Variants in USP36 observed in about 807,000 individuals in gnomAD.
The protein encoded by USP36 is ubiquitin carboxyl-terminal hydrolase 36.
A neutral mutation model predicts 111.5 loss-of-function variants in USP36; 59 were observed. That is an observed-to-expected ratio of 0.53 (90% CI 0.43 to 0.66). The LOEUF is 0.66. USP36 is among the 30% of genes least tolerant of loss of function. USP36 has a pLI of 0.00. For missense variants in USP36, 1,488 were observed against 1,468.0 expected (o/e 1.01, Z -0.22); for synonymous variants, 628 against 581.0 (o/e 1.08, Z -1.16).
At chr17:78,839,286 T>C (rs914441919) in intron 1 of USP36, among the ~76,000 whole-genome samples, 3 of 152,170 alleles carry the variant, frequency 2.0e-5, no homozygotes, top group African/African-American at 4.8e-5. Context: ...GCCCCCCTTA[T>C]TCAGCCTCAG....
At chr17:78,792,273 A>T (rs1394022173), downstream of USP36, among the ~76,000 whole-genome samples, 1 of 152,162 alleles carries the variant, frequency 6.6e-6, no homozygotes, top group Non-Finnish European at 1.5e-5. Context: ...TCCTAAGGGA[A>T]GAGTGAGACA....
downstream of USP36, among the ~76,000 whole-genome samples, chr17:78,794,042 A>C (rs1159863330): frequency 6.6e-6 from 1 of 152,204 alleles, no homozygotes; most frequent in South Asian, 2.1e-4. Context: ...CCACCCTAGC[A>C]GAAATCATCT....
chr17:78,811,368 T>G (rs2094051144), intron 13 of USP36, among the ~76,000 whole-genome samples: 1 of 152,196 alleles, frequency 6.6e-6, no homozygotes, highest in Non-Finnish European at 1.5e-5. Context: ...TATGTACGTG[T>G]GTATATATGT....
At position 78,803,154 on chromosome 17, in the gene USP36, C is replaced by T. The variant is rs2093798614; in HGVS notation, c.2810+231G>A. On this transcript the variant is annotated intron_variant, in intron 16 of 20. Coordinates refer to ENST00000449938, the MANE Select transcript of USP36 (RefSeq NM_001385174.1). The surrounding 1 kb of genome is among the most constrained non-coding windows in gnomAD (Gnocchi z 4.6). Reference sequence around the variant, plus strand: ...GCTTTTCCATATTGCCTAGGCTGGTCTCAAACTCCTGGGTTGAAGTGATCC... The same window carrying T: ...GCTTTTCCATATTGCCTAGGCTGGTTTCAAACTCCTGGGTTGAAGTGATCC... Among the ~76,000 whole-genome samples, 2 of 152,026 alleles carry T rather than the reference C, an allele frequency of 1.3e-5. No homozygotes were observed. Among genetic ancestry groups the T allele is most frequent in the South Asian group, 4.1e-4 (2 of 4,822 alleles).
At chr17:78,807,733 G>A (rs2093946887) in intron 13 of USP36, 97 bp from the exon 14 acceptor site, 7 of 1,225,496 alleles carry the variant, frequency 5.7e-6, no homozygotes, top group Non-Finnish European at 7.8e-6. Context: ...TAGCAGGCAT[G>A]GCCTCTGATT....
intron 4 of USP36, among the ~76,000 whole-genome samples, chr17:78,832,237 G>A (rs545911191): frequency 5.3e-5 from 8 of 152,230 alleles, no homozygotes; most frequent in Admixed American, 2.6e-4. Flanking sequence ...TCCAGCCTAC[G>A]GCAGGAGCTG....
chr17:78,824,972 G>A (rs569555846), intron 6 of USP36, among the ~76,000 whole-genome samples: 19 of 152,314 alleles, frequency 1.2e-4, no homozygotes, highest in East Asian at 9.6e-4. Context: ...AGACATGACA[G>A]TTACGAATAT....
rs1414579343 is a variant in USP36 at position 78,802,462 on chromosome 17, TTCTTTTTTTC to T, written c.2874_2883del (p.Lys959SerfsTer8). The T allele has an allele frequency of 3.2e-6, 5 of 1,580,770 alleles. No individual in the cohort carries two copies. The highest frequency in any genetic ancestry group is 2.7e-5 in the African/African-American group (2 of 73,958). Reference sequence around the variant, plus strand: ...TCTACTGCCCGCTGTGTCTCCTGCTTTCTTTTTTTCTTTTTCTTTTTCCTTGGAGACTCTT... The same window carrying T: ...TCTACTGCCCGCTGTGTCTCCTGCTTTTTTTCTTTTTCCTTGGAGACTCTT... On this transcript the variant is annotated frameshift_variant, in exon 17 of 21. Transcript: ENST00000449938. LOFTEE classifies it high-confidence loss of function.
chr17:78,794,801 T>C (rs1347409159), downstream of USP36, among the ~76,000 whole-genome samples: 2 of 150,422 alleles, frequency 1.3e-5, no homozygotes, highest in African/African-American at 4.9e-5. Context: ...AGGTCAGGAG[T>C]TAAGAGACCA....
downstream of USP36, among the ~76,000 whole-genome samples, chr17:78,791,571 C>T (rs895604529): frequency 2.0e-5 from 3 of 152,220 alleles, no homozygotes; most frequent in Non-Finnish European, 4.4e-5. Context: ...AGAACAAGCA[C>T]ATTTTTAATC....
chr17:78,836,455 T>C lies in USP36; in HGVS notation c.-9-83A>G, dbSNP rs565755760. On this transcript the variant is annotated intron_variant, in intron 2 of 20. Transcript: ENST00000449938. ...TCTCTTAAGATCTCCTCTTTGGTCA[T>C]TATGGATGCTAGCCACCACAAAAGC... 1.4e-4 allele frequency: 219 copies of C among 1,514,524 alleles called. 1 individual carries two copies. In the African/African-American group the frequency reaches 2.9e-3, roughly 20 times the overall value. The allele number at this position is 1,514,524 out of a possible 1,614,324, so 93.8% of individuals were successfully genotyped here.
intron 13 of USP36, among the ~76,000 whole-genome samples, chr17:78,811,473 T>A (rs543563444): frequency 6.6e-6 from 1 of 152,226 alleles, no homozygotes; most frequent in African/African-American, 2.4e-5. Context: ...AATATGTCCA[T>A]GTGTATTTCC....
At chr17:78,840,982 CT>C, upstream of USP36, 1 of 152,312 alleles carries the variant, frequency 6.6e-6, no homozygotes, top group East Asian at 1.9e-4. Flanking sequence ...CCTACGTCAC[CT>C]CCCCATCACG....
At position 78,838,674 on chromosome 17, in the gene USP36, A is replaced by C. The variant is rs2068946350; in HGVS notation, c.-97T>G. ...GGCTGAGTTTGGTTGGGCAGGTGCT[A>C]CGCGGAGCTCCTGAATGTAAGCGCT... is the stretch of plus-strand genomic sequence containing the variant. On this transcript the variant is annotated 5_prime_UTR_variant, in exon 2 of 21. Coordinates refer to ENST00000449938, the MANE Select transcript of USP36 (RefSeq NM_001385174.1). 6.6e-6 allele frequency: 1 copy of C among 152,252 alleles called. No homozygotes were observed. The highest frequency in any genetic ancestry group is 1.5e-5 in the Non-Finnish European group (1 of 68,076). 9.4% of individuals were successfully genotyped at this position (152,252 alleles called of 1,614,324 possible).
rs2093647768 is a variant in USP36 at position 78,797,559 on chromosome 17, A to G, written c.*341T>C. On this transcript the variant is annotated 3_prime_UTR_variant, in exon 21 of 21. Coordinates refer to ENST00000449938, the MANE Select transcript of USP36 (RefSeq NM_001385174.1). The stretch of plus-strand genomic sequence containing the variant: ...ATCCCCCACTCTCCTGATAGCCCCA[A>G]CCAGGGGCAGCAGCCTCTGCCAGCA... The G allele has an allele frequency of 6.6e-6, 1 of 152,370 alleles. No individual in the cohort carries two copies. The highest frequency in any genetic ancestry group is 1.5e-5 in the Non-Finnish European group (1 of 68,164). 9.4% of individuals were successfully genotyped at this position (152,370 alleles called of 1,614,324 possible). A position where few individuals can be genotyped will look rare whatever the true frequency, so the allele number is the denominator to read the frequency against.
rs765515561 is a variant in USP36 at position 78,827,365 on chromosome 17, A to G, written c.587-18T>C. On this transcript the variant is annotated intron_variant, in intron 5 of 20. Transcript: ENST00000449938. ...GGCGATCTCTAAAAGAGGAAGAAAC[A>G]GGGAGGGAAGAGCTCGTGTCTTCTC... The G allele has an allele frequency of 1.3e-6, 2 of 1,599,014 alleles. No individual in the cohort carries two copies. Among genetic ancestry groups the G allele is most frequent in the Admixed American group, 1.7e-5 (1 of 59,296 alleles).
At chr17:78,839,935 G>A (rs1413884642) in intron 1 of USP36, among the ~76,000 whole-genome samples, 1 of 152,168 alleles carries the variant, frequency 6.6e-6, no homozygotes, top group African/African-American at 2.4e-5. Context: ...GCTCATTCCC[G>A]CTCCCTCCTC....
downstream of USP36, among the ~76,000 whole-genome samples, chr17:78,792,994 G>A (rs2144841983): frequency 6.6e-6 from 1 of 152,164 alleles, no homozygotes; most frequent in African/African-American, 2.4e-5. Flanking sequence ...GGGATTACAG[G>A]TGTGAGCCAC....
chr17:78,823,726 GC>G lies in USP36; in HGVS notation c.690-1723del, dbSNP rs2145451696. ...GAGGCAGGCAGGCAGCCTTAGAAGG[GC>G]AGTGAAGGGCAAGAGAGGCAAAAGG... On this transcript the variant is annotated intron_variant, in intron 6 of 20. Transcript: ENST00000449938. Among the ~76,000 whole-genome samples, 3 of 152,286 alleles carry G rather than the reference GC, an allele frequency of 2.0e-5. No individual in the cohort carries two copies. In the East Asian group the frequency reaches 5.8e-4, roughly 29 times the overall value.
Sources: allele counts gnomAD v4.1 joint callset (sites outside exome capture counted in the v4.1 genomes callset), GRCh38; gene constraint gnomAD v4.1.1; non-coding constraint Gnocchi (gnomAD v3.1); transcripts MANE v1.5; gene names NCBI Gene and HGNC (gene_info 2026-07-23, HGNC 2026-07-21).